USP53: variants seen among roughly 807,000 people sequenced by gnomAD.
USP53 encodes ubiquitin specific peptidase 53, also known as ubiquitin carboxyl-terminal hydrolase 53.
In USP53, 71 loss-of-function variants were observed where a neutral mutation model predicts 94.9. That is an observed-to-expected ratio of 0.75 (90% CI 0.62 to 0.91). The LOEUF (loss-of-function observed/expected upper bound fraction) is 0.91. USP53 is among the 40% of genes least tolerant of loss of function. The pLI is 0.00. For missense variants in USP53, 1,173 were observed against 1,281.0 expected (o/e 0.92, Z 1.29); for synonymous variants, 375 against 422.7 (o/e 0.89, Z 1.39).
chr4:119,288,168 CA>C (rs1754328317), intron 17 of USP53, among the ~76,000 whole-genome samples: 1 of 152,246 alleles, frequency 6.6e-6, no homozygotes, highest in Admixed American at 6.5e-5. Context: ...CTAGATTAGG[CA>C]CTAAAACTGA....
intron 3 of USP53, among the ~76,000 whole-genome samples, chr4:119,230,057 C>G (rs766152353): frequency 1.1e-4 from 16 of 152,310 alleles, no homozygotes; most frequent in South Asian, 8.3e-4. Context: ...CTCCAAGAAG[C>G]CTATTCTGCT....
intron 16 of USP53, 69 bp from the exon 17 acceptor site, chr4:119,273,563 G>GT (rs35610634): frequency 0.89 from 806,192 of 902,602 alleles, 355,142 homozygotes; most frequent in African/African-American, 0.95. Flanking sequence ...AACAAATGTT[G>GT]TTTTTTTTTA....
chr4:119,264,819 A>T (rs1035017807), intron 12 of USP53, among the ~76,000 whole-genome samples: 3 of 152,226 alleles, frequency 2.0e-5, no homozygotes, highest in Non-Finnish European at 4.4e-5. Flanking sequence ...CACTCCTGTG[A>T]AAATGTAAGT....
intron 18 of USP53, among the ~76,000 whole-genome samples, 186 bp from the exon 19 acceptor site, chr4:119,292,152 G>T (rs1278036046): frequency 6.6e-6 from 1 of 152,112 alleles, no homozygotes; most frequent in Non-Finnish European, 1.5e-5. Flanking sequence ...GACATAAAGA[G>T]TTTGGATTTG....
Position 119,259,922 on chromosome 4 carries a change from T to G in USP53, c.672T>G (p.Cys224Trp), listed in dbSNP as rs1258842034. The G allele has an allele frequency of 1.9e-6, 3 of 1,604,358 alleles. No individual in the cohort carries two copies. The highest frequency in any genetic ancestry group is 2.6e-6 in the Non-Finnish European group (3 of 1,174,964). Residue 224 changes from cysteine to tryptophan, a missense_variant, in exon 10 of 19, where the codon TGT becomes TGG. Cys to Trp is a radical substitution (Grantham distance 215). Transcript: ENST00000692078. The stretch of plus-strand genomic sequence containing the variant: ...ATACAACAGATGACTATAGGAAATG[T>G]CCTGTAAGTATAGTTTGGAGAATAT... ...AANTTDDYRK[C>W]PSNCGQKIKI...
At chr4:119,235,688 G>A (rs1032584810) in intron 4 of USP53, among the ~76,000 whole-genome samples, 3 of 152,044 alleles carry the variant, frequency 2.0e-5, no homozygotes, top group Non-Finnish European at 2.9e-5. Context: ...TGCCACACTA[G>A]ACTTTATATT....
At position 119,292,808 on chromosome 4, in the gene USP53, G is replaced by A; in HGVS notation, c.2819G>A (p.Ser940Asn). ...ACCAGTGTGCCACAGTCAGAGAAAA[G>A]CGAATCTACACCTGATGTCAAACTT... Reference protein sequence around the residue: ...AITSVPQSEKSESTPDVKLTE... With the variant: ...AITSVPQSEKNESTPDVKLTE... The change falls in exon 19 of 19, where the codon AGC becomes AAC. Residue 940 changes from serine to asparagine, a missense_variant. Ser to Asn is a conservative substitution (Grantham distance 46). Coordinates refer to ENST00000692078, the MANE Select transcript of USP53 (RefSeq NM_001371395.1). 8 of 1,611,296 alleles carry A rather than the reference G, an allele frequency of 5.0e-6. No individual in the cohort carries two copies. Among genetic ancestry groups the A allele is most frequent in the Non-Finnish European group, 6.8e-6 (8 of 1,178,960 alleles).
intron 9 of USP53, among the ~76,000 whole-genome samples, chr4:119,257,188 TC>T (rs1185602099): frequency 6.6e-6 from 1 of 152,210 alleles, no homozygotes; most frequent in Non-Finnish European, 1.5e-5. Flanking sequence ...ATGCCTGTAA[TC>T]CTAGTACATT....
intron 3 of USP53, among the ~76,000 whole-genome samples, chr4:119,231,235 C>A (rs1221097202): frequency 6.6e-6 from 1 of 152,122 alleles, no homozygotes; most frequent in Non-Finnish European, 1.5e-5. Context: ...ACAGCGAACA[C>A]CCTGTAGCAA....
At chr4:119,271,259 G>C in intron 15 of USP53, 37 bp from the exon 16 acceptor site, 1 of 1,521,852 alleles carries the variant, frequency 6.6e-7, no homozygotes, top group East Asian at 2.3e-5. Context: ...TGGCTCTGAG[G>C]AGTAATTCAT....
At chr4:119,260,674 C>A in intron 11 of USP53, 21 bp downstream of exon 11, 1 of 1,606,246 alleles carries the variant, frequency 6.2e-7, no homozygotes, top group South Asian at 1.1e-5. Flanking sequence ...TATTTTCATT[C>A]CCTTCCCTTT....
intron 2 of USP53, among the ~76,000 whole-genome samples, chr4:119,216,087 T>A (rs1743706918): frequency 6.6e-6 from 1 of 152,144 alleles, no homozygotes; most frequent in Admixed American, 6.5e-5. Flanking sequence ...AAAAGTTAAT[T>A]AGACAATGTT....
At chr4:119,264,447 A>G (rs1406123641) in intron 12 of USP53, among the ~76,000 whole-genome samples, 6 of 152,226 alleles carry the variant, frequency 3.9e-5, no homozygotes, top group African/African-American at 1.4e-4. Context: ...ATACTGAGAG[A>G]AAATATTTGT....
Position 119,269,711 on chromosome 4 carries a change from C to A in USP53, c.1309C>A (p.Gln437Lys). ...KGPAKLSHID[Q>K]REKIKDISRE... ...TACAGCTAAGTTAAGTCACATTGATCAAAGGGAAAAGATAAAAGACATTTC... is the reference window on the plus strand; with the variant it reads ...TACAGCTAAGTTAAGTCACATTGATAAAAGGGAAAAGATAAAAGACATTTC... Residue 437 changes from glutamine (Q) to lysine (K), a missense_variant, in exon 15 of 19, where the codon CAA becomes AAA. By Grantham distance (53) the Gln-to-Lys change is moderately conservative (BLOSUM62 1). Transcript: ENST00000692078. 6.8e-7 allele frequency: 1 copy of A among 1,476,490 alleles called. No homozygotes were observed. Among genetic ancestry groups the A allele is most frequent in the Non-Finnish European group, 9.0e-7 (1 of 1,115,040 alleles). The allele number at this position is 1,476,490 out of a possible 1,614,324, so 91.5% of individuals were successfully genotyped here.
intron 12 of USP53, chr4:119,266,204 A>G (rs964641859): frequency 6.7e-6 from 3 of 447,598 alleles, no homozygotes; most frequent in African/African-American, 6.1e-5. Flanking sequence ...TTCACACTTT[A>G]TTTTTATTGT....
chr4:119,239,072 T>A (rs1747178113), intron 4 of USP53, 146 bp from the exon 5 acceptor site: 1 of 152,200 alleles, frequency 6.6e-6, no homozygotes, highest in Non-Finnish European at 1.5e-5. Flanking sequence ...ATGAAATTTT[T>A]AAAAATTTAT....
At chr4:119,255,269 G>A (rs1007575926) in intron 7 of USP53, among the ~76,000 whole-genome samples, 7 of 152,194 alleles carry the variant, frequency 4.6e-5, no homozygotes, top group African/African-American at 1.7e-4. Context: ...GAGCTGTCAG[G>A]CAGGGACATT....
At chr4:119,281,082 A>G (rs755665091) in intron 17 of USP53, among the ~76,000 whole-genome samples, 3 of 152,194 alleles carry the variant, frequency 2.0e-5, no homozygotes, top group Non-Finnish European at 4.4e-5. Context: ...GAAAAGTTCA[A>G]TTTGGCACCA....
intron 15 of USP53, 42 bp from the exon 16 acceptor site, chr4:119,271,254 C>T (rs748123153): frequency 6.6e-7 from 1 of 1,519,178 alleles, no homozygotes; most frequent in South Asian, 1.4e-5. Flanking sequence ...CAAGGTGGCT[C>T]TGAGGAGTAA....
Sources: allele counts gnomAD v4.1 joint callset (sites outside exome capture counted in the v4.1 genomes callset), GRCh38; gene constraint gnomAD v4.1.1; transcripts MANE v1.5; gene names NCBI Gene and HGNC (gene_info 2026-07-23, HGNC 2026-07-21).